Variants in NELL1 observed in about 807,000 individuals in gnomAD.
NELL1 encodes the protein neural EGFL like 1, also known as protein kinase C-binding protein NELL1.
In NELL1, 76 loss-of-function variants were observed where a neutral mutation model predicts 107.4. The ratio of observed to expected loss-of-function variants is 0.71; its 90% CI spans 0.59 to 0.86. The LOEUF is 0.86. Among genes scored for constraint, NELL1 ranks in the 40% least tolerant of loss-of-function variants. The pLI, the probability that NELL1 is intolerant of heterozygous loss-of-function variation, is 0.00. For synonymous variants in NELL1, 353 were observed against 341.2 expected (o/e 1.03, Z -0.38); for missense variants, 1,024 against 1,005.5 (o/e 1.02, Z -0.25).
chr11:20,722,017 C>CTATTTTTTTTTTTTTTT (rs1564879666), intron 2 of NELL1, among the ~76,000 whole-genome samples: 1 of 138,514 alleles, frequency 7.2e-6, no homozygotes, highest in Non-Finnish European at 1.6e-5. Context: ...TTCTGAGTCT[C>CTATTTTTTTTTTTTTTT]TCTTTTTTTT....
intron 2 of NELL1, among the ~76,000 whole-genome samples, chr11:20,743,505 CT>C (rs1855937793): frequency 6.6e-6 from 1 of 152,132 alleles, no homozygotes; most frequent in Non-Finnish European, 1.5e-5. Flanking sequence ...CTGGTCTTTT[CT>C]TTATTTTCTT....
chr11:20,971,241 G>T (rs903677363), intron 12 of NELL1, among the ~76,000 whole-genome samples: 2 of 151,764 alleles, frequency 1.3e-5, no homozygotes, highest in East Asian at 1.9e-4. Flanking sequence ...CATTTTTTTG[G>T]CTCACTTAAT....
At chr11:21,120,466 A>G (rs1030584383) in intron 13 of NELL1, among the ~76,000 whole-genome samples, 2 of 152,166 alleles carry the variant, frequency 1.3e-5, no homozygotes, top group East Asian at 1.9e-4. Context: ...ATTGAGCAAA[A>G]TGGCAAATTT....
At chr11:20,805,091 C>T (rs1251460666) in intron 3 of NELL1, among the ~76,000 whole-genome samples, 2 of 152,082 alleles carry the variant, frequency 1.3e-5, no homozygotes, top group Admixed American at 1.3e-4. Context: ...TATAGCTGCT[C>T]CTGTTCTTTT....
chr11:21,539,904 A>G (rs1370468572), intron 16 of NELL1, among the ~76,000 whole-genome samples: 1 of 151,832 alleles, frequency 6.6e-6, no homozygotes, highest in Non-Finnish European at 1.5e-5. Flanking sequence ...TCTTCTACCC[A>G]GTATTTCCCT....
chr11:21,434,932 G>A (rs1210666968), intron 15 of NELL1, among the ~76,000 whole-genome samples: 2 of 151,498 alleles, frequency 1.3e-5, no homozygotes, highest in African/African-American at 2.4e-5. Context: ...TTTAATTTTT[G>A]TAGCTGTATA....
chr11:21,311,154 C>T (rs535222282), intron 14 of NELL1, among the ~76,000 whole-genome samples: 1 of 152,084 alleles, frequency 6.6e-6, no homozygotes, highest in Non-Finnish European at 1.5e-5. Flanking sequence ...AAATGCATTA[C>T]CCATGCTATA....
intron 12 of NELL1, among the ~76,000 whole-genome samples, chr11:21,026,475 G>A (rs902345423): frequency 6.6e-6 from 1 of 152,106 alleles, no homozygotes; most frequent in Non-Finnish European, 1.5e-5. Context: ...AATAGCATAT[G>A]ATTCCCATTC....
At chr11:21,522,843 T>C (rs1338584005) in intron 15 of NELL1, among the ~76,000 whole-genome samples, 1 of 128,418 alleles carries the variant, frequency 7.8e-6, no homozygotes. Context: ...TCTTTTTTTT[T>C]TTTTTTTTTT....
chr11:21,230,389 C>T (rs960034159), intron 14 of NELL1, among the ~76,000 whole-genome samples: 1 of 152,156 alleles, frequency 6.6e-6, no homozygotes, highest in Non-Finnish European at 1.5e-5. Context: ...TGATCTTCTC[C>T]CCCCATTGTC....
At chr11:20,680,254 AT>A (rs1198321696) in intron 2 of NELL1, among the ~76,000 whole-genome samples, 1 of 152,058 alleles carries the variant, frequency 6.6e-6, no homozygotes, top group Non-Finnish European at 1.5e-5. Context: ...GGGAGCCATT[AT>A]TTTGTTTGCC....
At chr11:21,002,166 C>T (rs4923244) in intron 12 of NELL1, among the ~76,000 whole-genome samples, 34,656 of 152,062 alleles carry the variant, frequency 0.23, 5,083 homozygotes, top group African/African-American at 0.41. Context: ...TGGCAAACTG[C>T]CTCTCCATAT....
At chr11:20,812,199 T>C (rs188839906) in intron 3 of NELL1, among the ~76,000 whole-genome samples, 1 of 151,880 alleles carries the variant, frequency 6.6e-6, no homozygotes, top group Non-Finnish European at 1.5e-5. Flanking sequence ...GATGATCATA[T>C]TTTTTTTTCC....
intron 14 of NELL1, among the ~76,000 whole-genome samples, chr11:21,229,755 CT>C (rs1264270018): frequency 1.3e-5 from 2 of 152,132 alleles, no homozygotes; most frequent in Non-Finnish European, 2.9e-5. Flanking sequence ...CGGATATTGG[CT>C]TTTCTTTCCT....
At chr11:20,802,079 A>G (rs949822570) in intron 3 of NELL1, among the ~76,000 whole-genome samples, 1 of 151,996 alleles carries the variant, frequency 6.6e-6, no homozygotes, top group Non-Finnish European at 1.5e-5. Flanking sequence ...TTGTAATTCC[A>G]TATAAAGTTT....
intron 14 of NELL1, among the ~76,000 whole-genome samples, chr11:21,362,399 G>T (rs1851097500): frequency 6.6e-6 from 1 of 152,200 alleles, no homozygotes; most frequent in Non-Finnish European, 1.5e-5. Context: ...AGATGTGACA[G>T]GGAAGTGAAG....
At chr11:21,274,366 G>A (rs140778930) in intron 14 of NELL1, among the ~76,000 whole-genome samples, 1,578 of 152,260 alleles carry the variant, frequency 0.01, 33 homozygotes, top group African/African-American at 0.037. Context: ...AAATATATAT[G>A]CACCCAATAC....
Position 21,067,780 on chromosome 11 carries a change from C to T in NELL1, c.1301-45809C>T, listed in dbSNP as rs1447077521. ...GGGCATGGTGGCTCACGCCTGTAAT[C>T]CCAGCACTTTGGGAGGCCAAGGTGG... is the stretch of plus-strand genomic sequence containing the variant. On this transcript the variant is annotated intron_variant, in intron 12 of 19. Coordinates refer to ENST00000357134, the MANE Select transcript of NELL1 (RefSeq NM_006157.5). 3.3e-5 allele frequency among the ~76,000 whole-genome samples: 5 copies of T among 152,032 alleles called. No homozygotes were observed. In the South Asian group the frequency reaches 6.2e-4, roughly 19 times the overall value.
chr11:21,241,595 T>G (rs774420969), intron 14 of NELL1, among the ~76,000 whole-genome samples: 3 of 152,120 alleles, frequency 2.0e-5, no homozygotes, highest in Non-Finnish European at 2.9e-5. Flanking sequence ...TTACAAATAA[T>G]GTACAAGTGT....
Sources: gnomAD v4.1 joint callset for allele counts (sites outside exome capture counted in the v4.1 genomes callset) on GRCh38, gnomAD v4.1.1 for gene constraint, MANE v1.5 for transcripts, NCBI Gene and HGNC (gene_info 2026-07-23, HGNC 2026-07-21) for gene names.